The following XIRP2 variants were observed in gnomAD, a reference collection of about 807,000 sequenced individuals.
XIRP2 encodes xin actin binding repeat containing 2.
Under a neutral mutation model 277.0 loss-of-function variants are expected in XIRP2, and 236 were observed. The ratio of observed to expected loss-of-function variants is 0.85; its 90% CI spans 0.77 to 0.95. The LOEUF is 0.95. Among genes scored for constraint, XIRP2 ranks in the 40% least tolerant of loss-of-function variants. The pLI, the probability that XIRP2 is intolerant of heterozygous loss-of-function variation, is 0.00. For missense variants in XIRP2, 4,640 were observed against 4,157.5 expected (o/e 1.12, Z -3.19); for synonymous variants, 1,490 against 1,416.5 (o/e 1.05, Z -1.17).
In XIRP2 at chr2:167,257,287, G is replaced by C. The variant is rs568154051; in HGVS notation, c.*40-570G>C. Among the ~76,000 whole-genome samples, 10 of 151,934 alleles carry C rather than the reference G, an allele frequency of 6.6e-5. No homozygotes were observed. The South Asian group carries it at 2.1e-3, about 31-fold the overall frequency. ...TCATTTAGTTGTAAATGTTCCCCAT[G>C]GGTTTTAAGTTTTGCTATCTTGTTG... is the stretch of plus-strand genomic sequence containing the variant. On this transcript the variant is annotated intron_variant, in intron 10 of 10. Transcript: ENST00000409195.
chr2:167,217,334 G>A (rs1356702941), intron 4 of XIRP2, among the ~76,000 whole-genome samples: 3 of 151,664 alleles, frequency 2.0e-5, no homozygotes, highest in African/African-American at 7.3e-5. Flanking sequence ...AAATGACAGT[G>A]ATAGATTAGA....
In XIRP2 at chr2:166,905,328, C is replaced by A. The variant is rs1018043485; in HGVS notation, c.408+1438C>A. Among the ~76,000 whole-genome samples the A allele has an allele frequency of 3.6e-4, 54 of 151,704 alleles. 1 individual carries two copies. Among genetic ancestry groups the A allele is most frequent in the Non-Finnish European group, 1.0e-4 (7 of 67,838 alleles). Reference sequence around the variant, plus strand: ...CCAAGATAACTGACAAAAGAAATGACCAAGGTAGAAAAAGTCGTCTATATA... The same window carrying A: ...CCAAGATAACTGACAAAAGAAATGAACAAGGTAGAAAAAGTCGTCTATATA... On this transcript the variant is annotated intron_variant, in intron 2 of 10. Coordinates refer to ENST00000409195, the MANE Select transcript of XIRP2 (RefSeq NM_152381.6).
At chr2:167,094,157 TG>T (rs1176226499) in intron 2 of XIRP2, among the ~76,000 whole-genome samples, 2 of 151,866 alleles carry the variant, frequency 1.3e-5, no homozygotes, top group Non-Finnish European at 2.9e-5. Flanking sequence ...CACTACTTGA[TG>T]GGGTTGTTTG....
chr2:167,250,577 G>C lies in XIRP2; in HGVS notation c.9185G>C (p.Ser3062Thr), dbSNP rs1232856358. 1 of 1,613,296 alleles carries C rather than the reference G, an allele frequency of 6.2e-7. No homozygotes were observed. Among genetic ancestry groups the C allele is most frequent in the African/African-American group, 1.3e-5 (1 of 74,774 alleles). The change falls in exon 9 of 11, where the codon AGC (serine) becomes ACC (threonine). Residue 3062 changes from serine (S) to threonine (T), a missense_variant. By Grantham distance (58) the Ser-to-Thr change is moderately conservative. Transcript: ENST00000409195. ...TCCAAAGTATCTAATGTTCATGTCA[G>C]CAATAATAAAAATAGTGAACAGAAA... ...TSSKVSNVHV[S>T]NNKNSEQKEN...
chr2:166,944,829 A>G (rs952070185), intron 2 of XIRP2, among the ~76,000 whole-genome samples: 3 of 152,168 alleles, frequency 2.0e-5, no homozygotes, highest in Admixed American at 6.6e-5. Context: ...AGTAAAATAA[A>G]TGGGGCCACA....
intron 2 of XIRP2, among the ~76,000 whole-genome samples, chr2:166,943,696 A>G (rs1685781539): frequency 1.3e-5 from 2 of 152,254 alleles, no homozygotes; most frequent in Non-Finnish European, 2.9e-5. Context: ...TAGCCAGGCC[A>G]ATAAGAATGA....
At chr2:166,915,153 T>G (rs1285548946) in intron 2 of XIRP2, among the ~76,000 whole-genome samples, 1 of 151,030 alleles carries the variant, frequency 6.6e-6, no homozygotes, top group Non-Finnish European at 1.5e-5. Flanking sequence ...AAAAAAAAAT[T>G]AGCCAGGTGT....
chr2:166,936,761 C>T (rs1685529807), intron 2 of XIRP2, among the ~76,000 whole-genome samples: 1 of 151,932 alleles, frequency 6.6e-6, no homozygotes, highest in African/African-American at 2.4e-5. Flanking sequence ...TGTTCTGTTC[C>T]ATTGATCTAT....
chr2:167,152,728 C>T (rs1364186169), intron 3 of XIRP2, among the ~76,000 whole-genome samples: 1 of 152,028 alleles, frequency 6.6e-6, no homozygotes, highest in African/African-American at 2.4e-5. Context: ...CAATGCTAGA[C>T]AGGTGAGCAG....
At chr2:167,160,636 A>G (rs1191231322) in intron 3 of XIRP2, among the ~76,000 whole-genome samples, 1 of 152,146 alleles carries the variant, frequency 6.6e-6, no homozygotes, top group Admixed American at 6.5e-5. Flanking sequence ...ACAGCATTGG[A>G]AAGACTTGCC....
intron 3 of XIRP2, among the ~76,000 whole-genome samples, chr2:167,200,368 A>G (rs1368395692): frequency 2.0e-5 from 3 of 152,236 alleles, no homozygotes; most frequent in Admixed American, 1.3e-4. Flanking sequence ...TAAAGTGAGT[A>G]ACTTTGAATG....
At chr2:166,902,130 ACTT>A (rs1351150592) in intron 1 of XIRP2, among the ~76,000 whole-genome samples, 2 of 152,096 alleles carry the variant, frequency 1.3e-5, no homozygotes, top group African/African-American at 2.4e-5. Context: ...CTGGGACTGA[ACTT>A]CTGCTGTAAG....
intron 2 of XIRP2, among the ~76,000 whole-genome samples, chr2:167,079,397 A>G (rs370115645): frequency 5.3e-5 from 8 of 152,222 alleles, no homozygotes; most frequent in East Asian, 1.9e-4. Context: ...GAACAGTTCA[A>G]GTAGAATTGG....
chr2:167,051,297 G>A (rs534752102), intron 2 of XIRP2, among the ~76,000 whole-genome samples: 48 of 152,170 alleles, frequency 3.2e-4, no homozygotes, highest in African/African-American at 8.9e-4. Context: ...CATTTACAGT[G>A]TGTCACCTCT....
intron 2 of XIRP2, among the ~76,000 whole-genome samples, chr2:166,971,918 C>T (rs1439201614): frequency 3.3e-5 from 5 of 151,930 alleles, no homozygotes; most frequent in South Asian, 2.1e-4. Flanking sequence ...CTTTTAGATA[C>T]GACCAACAGA....
intron 3 of XIRP2, among the ~76,000 whole-genome samples, chr2:167,170,476 A>T (rs1692654573): frequency 6.6e-6 from 1 of 152,166 alleles, no homozygotes; most frequent in Non-Finnish European, 1.5e-5. Flanking sequence ...TAAAATTACA[A>T]TTCATTTACT....
chr2:166,940,565 A>G (rs997753509), intron 2 of XIRP2, among the ~76,000 whole-genome samples: 6 of 151,894 alleles, frequency 4.0e-5, no homozygotes, highest in African/African-American at 1.2e-4. Context: ...TTTTTCCCCC[A>G]TCTTTGTAGT....
chr2:167,191,736 T>C (rs1332889182), intron 3 of XIRP2, among the ~76,000 whole-genome samples: 1 of 152,156 alleles, frequency 6.6e-6, no homozygotes, highest in African/African-American at 2.4e-5. Flanking sequence ...TTCACTACTC[T>C]TTTTTTGGCA....
intron 3 of XIRP2, among the ~76,000 whole-genome samples, chr2:167,138,962 G>A (rs1441962790): frequency 1.3e-5 from 2 of 152,076 alleles, no homozygotes; most frequent in Non-Finnish European, 2.9e-5. Flanking sequence ...AGCTACTCGG[G>A]AGGCTGAGGC....
Sources: allele counts gnomAD v4.1 joint callset (sites outside exome capture counted in the v4.1 genomes callset), GRCh38; gene constraint gnomAD v4.1.1; transcripts MANE v1.5; gene names NCBI Gene and HGNC (gene_info 2026-07-23, HGNC 2026-07-21).